The following CCDC69 variants were observed in gnomAD, a reference collection of about 807,000 sequenced individuals.
CCDC69 encodes the protein coiled-coil domain-containing protein 69.
Under a neutral mutation model 40.3 loss-of-function variants are expected in CCDC69, and 38 were observed. The observed-to-expected ratio is 0.94, with a 90% CI of 0.73 to 1.24. The LOEUF (loss-of-function observed/expected upper bound fraction) is 1.24. Ranked by LOEUF, CCDC69 falls within the 50% of genes most tolerant of loss-of-function variation. The probability of loss-of-function intolerance (pLI) is 0.00; values close to 1 mark genes in which losing one functional copy is unlikely to be tolerated. For synonymous variants in CCDC69, 141 were observed against 138.9 expected (o/e 1.02, Z -0.11); for missense variants, 389 against 357.9 (o/e 1.09, Z -0.70).
At chr5:151,219,172 C>T (rs1258140448) in intron 1 of CCDC69, among the ~76,000 whole-genome samples, 1 of 152,186 alleles carries the variant, frequency 6.6e-6, no homozygotes, top group Non-Finnish European at 1.5e-5. Context: ...AGCTTTCCTT[C>T]ACGCTCCTCA....
intron 1 of CCDC69, among the ~76,000 whole-genome samples, chr5:151,209,740 T>C (rs1752904201): frequency 6.6e-6 from 1 of 152,142 alleles, no homozygotes; most frequent in Admixed American, 6.5e-5. Flanking sequence ...CTACCACACC[T>C]GGCTAATTTT....
In CCDC69 at chr5:151,198,982, C is replaced by T. The variant is rs371331881; in HGVS notation, c.319+15G>A. 3.0e-5 allele frequency: 49 copies of T among 1,609,138 alleles called. No homozygotes were observed. Among genetic ancestry groups the T allele is most frequent in the Middle Eastern group, 3.3e-4 (2 of 6,066 alleles). On this transcript the variant is annotated intron_variant, in intron 4 of 8. Coordinates refer to ENST00000355417, the MANE Select transcript of CCDC69 (RefSeq NM_015621.3). ...CCCCCCACCACCTTGGCCAGTGGAA[C>T]ATCTCTACCCTTACCTTGCAGGGCC... is the stretch of plus-strand genomic sequence containing the variant.
intron 8 of CCDC69, 67 bp from the exon 9 acceptor site, chr5:151,183,681 C>T: frequency 7.0e-7 from 1 of 1,430,626 alleles, no homozygotes. Flanking sequence ...AACCCATTCC[C>T]CCAGGAAGCC....
Position 151,184,050 on chromosome 5 carries a change from G to C in CCDC69, c.713+294C>G, listed in dbSNP as rs142086115. 2.2e-3 allele frequency among the ~76,000 whole-genome samples: 330 copies of C among 152,230 alleles called. 3 individuals carry two copies. The highest frequency in any genetic ancestry group is 0.014 in the Middle Eastern group (4 of 294). On this transcript the variant is annotated intron_variant, in intron 8 of 8. Coordinates refer to ENST00000355417, the MANE Select transcript of CCDC69 (RefSeq NM_015621.3). Reference sequence around the variant, plus strand: ...CCTAAGAACTGATTCATTCCACTTAGGCCTGGTGCACTATAAATTTCCTGT... The same window carrying C: ...CCTAAGAACTGATTCATTCCACTTACGCCTGGTGCACTATAAATTTCCTGT...
In CCDC69 at chr5:151,187,697, C is replaced by T. The variant is rs990855181; in HGVS notation, c.320-238G>A. ...AATAAACTATAGCCTGGGAGGAACG[C>T]TACCAGATTGCGGGTGCCATCCACA... is the stretch of plus-strand genomic sequence containing the variant. On this transcript the variant is annotated intron_variant, in intron 4 of 8. Transcript: ENST00000355417. Among the ~76,000 whole-genome samples the T allele has an allele frequency of 4.6e-5, 7 of 152,296 alleles. No homozygotes were observed. In the South Asian group the frequency reaches 1.5e-3, roughly 32 times the overall value.
chr5:151,201,591 C>T lies in CCDC69; in HGVS notation c.222G>A (p.Trp74Ter). The stretch of plus-strand genomic sequence containing the variant: ...GGGCACCTGGACTTACCTGTTGTGC[C>T]CATTTCTTCTTTTCCTCCTCATGTT... ...LQQHEEEKKK[W>*]AQQVEKEREL... Residue 74 changes from tryptophan to a stop codon, truncating the protein, a stop_gained, in exon 3 of 9, where the codon TGG becomes TGA. Transcript: ENST00000355417. LOFTEE classifies it high-confidence loss of function. The T allele has an allele frequency of 1.2e-6, 2 of 1,611,904 alleles. No homozygotes were observed. Among genetic ancestry groups the T allele is most frequent in the Non-Finnish European group, 1.7e-6 (2 of 1,178,390 alleles).
At chr5:151,198,295 T>TCG (rs1561600904) in intron 4 of CCDC69, among the ~76,000 whole-genome samples, 6 of 53,888 alleles carry the variant, frequency 1.1e-4, no homozygotes, top group African/African-American at 3.4e-4. Flanking sequence ...GAGATTGATC[T>TCG]ATCTATCTAT....
At chr5:151,208,265 C>A (rs1205511847) in intron 1 of CCDC69, among the ~76,000 whole-genome samples, 1 of 152,050 alleles carries the variant, frequency 6.6e-6, no homozygotes, top group Non-Finnish European at 1.5e-5. Context: ...AACAAACAAA[C>A]AAAAACACAA....
intron 4 of CCDC69, among the ~76,000 whole-genome samples, chr5:151,188,671 A>G (rs964560221): frequency 9.9e-5 from 15 of 151,494 alleles, no homozygotes; most frequent in Admixed American, 5.9e-4. Context: ...ATTTATAAGA[A>G]TTTATCAATA....
intron 2 of CCDC69, among the ~76,000 whole-genome samples, chr5:151,203,237 CGATGG>C (rs750948864): frequency 1.3e-5 from 2 of 151,914 alleles, no homozygotes; most frequent in Non-Finnish European, 2.9e-5. Context: ...AGGCCAGGCG[CGATGG>C]CTCACACCTG....
At chr5:151,221,661 G>A (rs565662143) in intron 1 of CCDC69, among the ~76,000 whole-genome samples, 7 of 152,314 alleles carry the variant, frequency 4.6e-5, no homozygotes, top group South Asian at 4.1e-4. Flanking sequence ...CAGTTTCCCC[G>A]GTAAAGTGGG....
chr5:151,186,863 AC>A (rs1413181978), intron 5 of CCDC69, among the ~76,000 whole-genome samples: 1 of 151,924 alleles, frequency 6.6e-6, no homozygotes, highest in Non-Finnish European at 1.5e-5. Flanking sequence ...TGAAACTCAT[AC>A]CCCAGGCATC....
intron 1 of CCDC69, among the ~76,000 whole-genome samples, chr5:151,207,689 AG>A (rs1752872123): frequency 1.3e-5 from 2 of 152,216 alleles, no homozygotes; most frequent in Admixed American, 1.3e-4. Context: ...CTTCCAGGAA[AG>A]GAGAACTGAC....
chr5:151,205,594 T>C, intron 1 of CCDC69, 119 bp from the exon 2 acceptor site: 2 of 810,494 alleles, frequency 2.5e-6, no homozygotes, highest in Admixed American at 2.5e-5. Flanking sequence ...CACCAGACCC[T>C]GCCCCACGCC....
At chr5:151,192,233 A>G (rs1752625067) in intron 4 of CCDC69, among the ~76,000 whole-genome samples, 1 of 151,686 alleles carries the variant, frequency 6.6e-6, no homozygotes, top group South Asian at 2.1e-4. Flanking sequence ...GGGTGGGGAA[A>G]TCAATGAAAC....
At chr5:151,220,212 G>A (rs560415109) in intron 1 of CCDC69, among the ~76,000 whole-genome samples, 5 of 152,322 alleles carry the variant, frequency 3.3e-5, no homozygotes, top group Non-Finnish European at 5.9e-5. Flanking sequence ...CATTAAGTCT[G>A]TGCCTCCTTA....
chr5:151,223,809 C>T, intron 1 of CCDC69, 114 bp downstream of exon 1: 1 of 1,041,330 alleles, frequency 9.6e-7, no homozygotes, highest in Non-Finnish European at 1.4e-6. Context: ...CCAGGTTCTC[C>T]GTCCGGTATC....
At position 151,183,479 on chromosome 5, in the gene CCDC69, C is replaced by G. The variant is rs1324151939; in HGVS notation, c.849G>C (p.Leu283=). 1.2e-6 allele frequency: 2 copies of G among 1,606,802 alleles called. No individual in the cohort carries two copies. Among genetic ancestry groups the G allele is most frequent in the Non-Finnish European group, 1.7e-6 (2 of 1,177,564 alleles). Reference sequence around the variant, plus strand: ...AGACCTCAGTGGGAGTGACAGGGGCCAGAGGGAAGGCAGGCGAGGCATTGG... The same window carrying G: ...AGACCTCAGTGGGAGTGACAGGGGCGAGAGGGAAGGCAGGCGAGGCATTGG... The part of the protein sequence containing the change: ...LGANASPAFP[L]APVTPTEVSF... Residue 283 remains leucine (L), a synonymous_variant, in exon 9 of 9, where the codon CTG becomes CTC. Coordinates refer to ENST00000355417, the MANE Select transcript of CCDC69 (RefSeq NM_015621.3).
chr5:151,187,333 C>A, intron 5 of CCDC69, 53 bp downstream of exon 5: 1 of 1,527,554 alleles, frequency 6.5e-7, no homozygotes, highest in South Asian at 1.1e-5. Flanking sequence ...GCTGCTTTCC[C>A]ATTGGTCCTC....
Sources: allele counts gnomAD v4.1 joint callset (sites outside exome capture counted in the v4.1 genomes callset), GRCh38; gene constraint gnomAD v4.1.1; transcripts MANE v1.5; gene names NCBI Gene and HGNC (gene_info 2026-07-23, HGNC 2026-07-21).